Variants in ROBO2 observed in about 807,000 individuals in gnomAD.
ROBO2 encodes roundabout homolog 2.
ROBO2 carries 53 observed loss-of-function variants against 160.8 expected under a neutral mutation model. The observed-to-expected ratio is 0.33, with a 90% CI of 0.26 to 0.41. The LOEUF is 0.41. Among genes scored for constraint, ROBO2 ranks in the 10% least tolerant of loss-of-function variants. The pLI is 1.00. For missense variants in ROBO2, 1,577 were observed against 1,722.4 expected (o/e 0.92, Z 1.49); for synonymous variants, 664 against 611.7 (o/e 1.09, Z -1.26).
chr3:77,141,849 G>C (rs2076730181), intron 2 of ROBO2, among the ~76,000 whole-genome samples: 1 of 152,174 alleles, frequency 6.6e-6, no homozygotes. Flanking sequence ...TTGGGTAAAA[G>C]TCTATTGTAT....
At chr3:76,976,078 T>C (rs1390709761) in intron 2 of ROBO2, among the ~76,000 whole-genome samples, 2 of 152,188 alleles carry the variant, frequency 1.3e-5, no homozygotes, top group Non-Finnish European at 2.9e-5. Context: ...GTTGGTGTTT[T>C]GGTTAGATAG....
At chr3:76,119,461 A>T (rs191873922) in intron 2 of ROBO2, among the ~76,000 whole-genome samples, 1 of 152,050 alleles carries the variant, frequency 6.6e-6, no homozygotes, top group African/African-American at 2.4e-5. Context: ...AATTACATTA[A>T]TTAATAACAT....
chr3:75,992,472 A>G (rs1441806625), intron 2 of ROBO2, among the ~76,000 whole-genome samples: 1 of 152,008 alleles, frequency 6.6e-6, no homozygotes, highest in Non-Finnish European at 1.5e-5. Context: ...AGGTGGGGGA[A>G]CCTCCTTCTA....
intron 2 of ROBO2, among the ~76,000 whole-genome samples, chr3:76,734,266 C>A (rs2093677214): frequency 1.3e-5 from 2 of 152,040 alleles, no homozygotes; most frequent in Admixed American, 6.6e-5. Flanking sequence ...AATAAAATTT[C>A]TCTATTAAAT....
At chr3:76,538,990 T>C (rs779865929) in intron 2 of ROBO2, among the ~76,000 whole-genome samples, 4 of 152,100 alleles carry the variant, frequency 2.6e-5, no homozygotes, top group Non-Finnish European at 1.5e-5. Flanking sequence ...GGGGCACATA[T>C]ACACCATGGA....
At chr3:76,655,977 T>G (rs2091503673) in intron 2 of ROBO2, among the ~76,000 whole-genome samples, 1 of 152,156 alleles carries the variant, frequency 6.6e-6, no homozygotes, top group Non-Finnish European at 1.5e-5. Context: ...GGCATGTTAT[T>G]CTTGCTTAGA....
At chr3:76,000,076 G>A (rs1307299637) in intron 2 of ROBO2, among the ~76,000 whole-genome samples, 1 of 152,136 alleles carries the variant, frequency 6.6e-6, no homozygotes, top group Admixed American at 6.5e-5. Context: ...TGAACTCACA[G>A]TTCCACGTGG....
chr3:76,044,014 C>T (rs2067368679), intron 2 of ROBO2, among the ~76,000 whole-genome samples: 1 of 151,972 alleles, frequency 6.6e-6, no homozygotes, highest in Admixed American at 6.6e-5. Flanking sequence ...TTTTAATACC[C>T]TTTTGTTGGT....
At chr3:75,915,700 A>T (rs1443433424) in intron 1 of ROBO2, among the ~76,000 whole-genome samples, 1 of 152,126 alleles carries the variant, frequency 6.6e-6, no homozygotes, top group Non-Finnish European at 1.5e-5. Context: ...TTTGCATAGG[A>T]CTTGATTTAG....
chr3:76,345,468 G>A (rs1195682885), intron 2 of ROBO2, among the ~76,000 whole-genome samples: 1 of 148,876 alleles, frequency 6.7e-6, no homozygotes, highest in East Asian at 2.0e-4. Context: ...TTAAGCACAG[G>A]GGAAATATTT....
At chr3:76,370,384 G>A (rs565120383) in intron 2 of ROBO2, among the ~76,000 whole-genome samples, 1 of 151,908 alleles carries the variant, frequency 6.6e-6, no homozygotes, top group African/African-American at 2.4e-5. Flanking sequence ...GAAAGAATTT[G>A]CATTATCAAG....
chr3:77,258,843 G>T (rs1271553980), intron 2 of ROBO2, among the ~76,000 whole-genome samples: 1 of 152,050 alleles, frequency 6.6e-6, no homozygotes, highest in Non-Finnish European at 1.5e-5. Context: ...GGTTGTCTTG[G>T]GGACAAAATT....
chr3:76,288,351 A>T (rs930938954), intron 2 of ROBO2, among the ~76,000 whole-genome samples: 1 of 152,182 alleles, frequency 6.6e-6, no homozygotes, highest in African/African-American at 2.4e-5. Flanking sequence ...TTTTTTAATT[A>T]AAATATGGGT....
chr3:76,353,658 G>C (rs1321597614), intron 2 of ROBO2, among the ~76,000 whole-genome samples: 1 of 151,918 alleles, frequency 6.6e-6, no homozygotes, highest in Non-Finnish European at 1.5e-5. Context: ...CTCAAACATG[G>C]AAATACAAGG....
intron 2 of ROBO2, among the ~76,000 whole-genome samples, chr3:76,003,530 A>T (rs2107576362): frequency 6.6e-6 from 1 of 152,308 alleles, no homozygotes; most frequent in East Asian, 1.9e-4. Context: ...CATATGTGCC[A>T]ATTGGAAATT....
intron 2 of ROBO2, among the ~76,000 whole-genome samples, chr3:76,620,548 G>A (rs999546398): frequency 1.3e-5 from 2 of 152,016 alleles, no homozygotes; most frequent in Admixed American, 6.5e-5. Context: ...AAAATTAGGG[G>A]TAAACCTGAT....
intron 2 of ROBO2, among the ~76,000 whole-genome samples, chr3:76,456,531 C>T (rs535042851): frequency 1.6e-4 from 25 of 152,250 alleles, no homozygotes; most frequent in East Asian, 3.9e-4. Context: ...ACCAGGTTTC[C>T]GGAGACTGTA....
intron 2 of ROBO2, among the ~76,000 whole-genome samples, chr3:75,992,977 C>G (rs1455142378): frequency 6.6e-6 from 1 of 152,190 alleles, no homozygotes; most frequent in Non-Finnish European, 1.5e-5. Context: ...TTACACAATA[C>G]CTGTACCCCA....
At chr3:76,055,095 A>G (rs2067790378) in intron 2 of ROBO2, among the ~76,000 whole-genome samples, 1 of 152,192 alleles carries the variant, frequency 6.6e-6, no homozygotes, top group African/African-American at 2.4e-5. Flanking sequence ...TGAGGAGCAA[A>G]GTCACATCTT....
Sources: allele counts gnomAD v4.1 joint callset (sites outside exome capture counted in the v4.1 genomes callset), GRCh38; gene constraint gnomAD v4.1.1; transcripts MANE v1.5; gene names NCBI Gene and HGNC (gene_info 2026-07-23, HGNC 2026-07-21).